NRG1: variants seen among roughly 807,000 people sequenced by gnomAD.
NRG1 encodes the protein neuregulin 1, also known as pro-neuregulin-1, membrane-bound isoform.
In NRG1, 18 loss-of-function variants were observed where a neutral mutation model predicts 63.8. That is an observed-to-expected ratio of 0.28 (90% CI 0.19 to 0.42). The LOEUF (loss-of-function observed/expected upper bound fraction) is 0.42, where lower values mean the gene tolerates loss of function less well. Ranked by LOEUF, NRG1 falls within the 10% of genes least tolerant of loss-of-function variation. NRG1 has a pLI of 1.00. For missense variants in NRG1, 762 were observed against 814.7 expected (o/e 0.94, Z 0.79); for synonymous variants, 302 against 301.3 (o/e 1.00, Z -0.02).
At chr8:31,839,661 C>G (rs1322904651) in intron 1 of NRG1, among the ~76,000 whole-genome samples, 1 of 152,090 alleles carries the variant, frequency 6.6e-6, no homozygotes, top group East Asian at 1.9e-4. Flanking sequence ...TGCATAAGCC[C>G]AAATAACATT....
chr8:32,047,003 A>G (rs1006349459), intron 1 of NRG1, among the ~76,000 whole-genome samples: 4 of 152,096 alleles, frequency 2.6e-5, no homozygotes, highest in Non-Finnish European at 4.4e-5. Flanking sequence ...ATAGCAGGCA[A>G]TGAATGGCTT....
intron 1 of NRG1, among the ~76,000 whole-genome samples, chr8:31,959,407 G>A (rs912552823): frequency 1.3e-5 from 2 of 152,138 alleles, no homozygotes; most frequent in Non-Finnish European, 2.9e-5. Context: ...AAACAATAAT[G>A]AATAATACAG....
chr8:32,003,625 A>G (rs919370745), intron 1 of NRG1, among the ~76,000 whole-genome samples: 3 of 152,100 alleles, frequency 2.0e-5, no homozygotes, highest in Non-Finnish European at 4.4e-5. Flanking sequence ...AATCAAGGAT[A>G]GAAAATATTT....
intron 1 of NRG1, among the ~76,000 whole-genome samples, chr8:32,533,610 T>C (rs888371447): frequency 2.6e-5 from 4 of 152,008 alleles, no homozygotes; most frequent in Admixed American, 6.5e-5. Flanking sequence ...CATTTAGCCA[T>C]GAAAAAGAGA....
intron 5 of NRG1, among the ~76,000 whole-genome samples, chr8:32,645,737 G>A (rs995682512): frequency 6.6e-6 from 1 of 152,130 alleles, no homozygotes; most frequent in African/African-American, 2.4e-5. Context: ...ATGGTTCCTT[G>A]GAAACCGTTT....
intron 5 of NRG1, among the ~76,000 whole-genome samples, chr8:32,632,638 T>G (rs1176881951): frequency 6.6e-6 from 1 of 152,034 alleles, no homozygotes; most frequent in Non-Finnish European, 1.5e-5. Flanking sequence ...CAGATTGATT[T>G]AGATGTTGAT....
chr8:31,820,011 A>G (rs980356538), intron 1 of NRG1, among the ~76,000 whole-genome samples: 7 of 152,166 alleles, frequency 4.6e-5, no homozygotes, highest in African/African-American at 1.7e-4. Flanking sequence ...TATTTGCAAG[A>G]TATCGGGAGA....
At chr8:32,269,284 T>A (rs145619387) in intron 1 of NRG1, among the ~76,000 whole-genome samples, 2 of 152,284 alleles carry the variant, frequency 1.3e-5, no homozygotes, top group East Asian at 3.9e-4. Flanking sequence ...GAGGGTAAAG[T>A]TGTGTTTTTA....
intron 1 of NRG1, among the ~76,000 whole-genome samples, chr8:31,877,298 C>G (rs930550056): frequency 2.0e-5 from 3 of 152,094 alleles, no homozygotes; most frequent in Admixed American, 1.3e-4. Context: ...TTATAACAAG[C>G]AAGTTGTTTT....
At chr8:31,743,963 TC>T (rs1815585091) in intron 1 of NRG1, among the ~76,000 whole-genome samples, 1 of 152,012 alleles carries the variant, frequency 6.6e-6, no homozygotes, top group African/African-American at 2.4e-5. Flanking sequence ...AGCATTAAAA[TC>T]TTATATCCTC....
chr8:32,340,757 AC>A (rs1803971418), intron 1 of NRG1, among the ~76,000 whole-genome samples: 1 of 152,068 alleles, frequency 6.6e-6, no homozygotes, highest in Non-Finnish European at 1.5e-5. Flanking sequence ...TTCTAACTCA[AC>A]CCCTTAAGCC....
intron 1 of NRG1, among the ~76,000 whole-genome samples, chr8:32,246,010 G>A (rs888752303): frequency 6.6e-6 from 1 of 152,002 alleles, no homozygotes; most frequent in Non-Finnish European, 1.5e-5. Context: ...TTCCCAAGAG[G>A]GCTTTAAATG....
intron 1 of NRG1, chr8:32,287,181 G>T (rs1295135755): frequency 2.6e-5 from 4 of 152,206 alleles, no homozygotes; most frequent in Non-Finnish European, 5.9e-5. Context: ...CCCGAGGTTT[G>T]TTTACGTGGT....
chr8:32,736,460 C>T (rs935212612), intron 6 of NRG1, among the ~76,000 whole-genome samples: 9 of 152,192 alleles, frequency 5.9e-5, no homozygotes, highest in Admixed American at 1.3e-4. Flanking sequence ...CTCGAGTTTA[C>T]ACAGAGAGAG....
At chr8:32,326,754 A>G (rs10106423) in intron 1 of NRG1, among the ~76,000 whole-genome samples, 14,441 of 152,236 alleles carry the variant, frequency 0.095, 962 homozygotes, top group African/African-American at 0.18. Flanking sequence ...AATTAGAAAC[A>G]TAGAGTTAAA....
intron 1 of NRG1, among the ~76,000 whole-genome samples, chr8:32,472,161 C>A: frequency 6.6e-6 from 1 of 151,584 alleles, no homozygotes; most frequent in Non-Finnish European, 1.5e-5. Flanking sequence ...AGACTCTGAC[C>A]CTGAGTTCTT....
At chr8:32,538,090 G>A (rs567589066) in intron 1 of NRG1, among the ~76,000 whole-genome samples, 1 of 152,192 alleles carries the variant, frequency 6.6e-6, no homozygotes, top group East Asian at 1.9e-4. Flanking sequence ...GACCTCAAGT[G>A]ATCCACCTGC....
At chr8:32,564,943 A>G (rs530293278) in intron 1 of NRG1, among the ~76,000 whole-genome samples, 1 of 151,964 alleles carries the variant, frequency 6.6e-6, no homozygotes, top group African/African-American at 2.4e-5. Context: ...AATGGTGCAC[A>G]TGTGTAGTAC....
chr8:31,866,453 G>A (rs549071587), intron 1 of NRG1, among the ~76,000 whole-genome samples: 28 of 152,122 alleles, frequency 1.8e-4, no homozygotes, highest in Non-Finnish European at 4.0e-4. Flanking sequence ...TACAGCTTGG[G>A]GGCAAAGAAG....
Sources: gnomAD v4.1 joint callset for allele counts (sites outside exome capture counted in the v4.1 genomes callset) on GRCh38, gnomAD v4.1.1 for gene constraint, MANE v1.5 for transcripts, NCBI Gene and HGNC (gene_info 2026-07-23, HGNC 2026-07-21) for gene names.